EYA4: variants seen among roughly 807,000 people sequenced by gnomAD.
The protein encoded by EYA4 is protein phosphatase EYA4.
EYA4 carries 31 observed loss-of-function variants against 87.9 expected under a neutral mutation model. That is an observed-to-expected ratio of 0.35 (90% CI 0.27 to 0.48). The LOEUF (loss-of-function observed/expected upper bound fraction) is 0.48. Among genes scored for constraint, EYA4 ranks in the 20% least tolerant of loss-of-function variants. The probability of loss-of-function intolerance (pLI) is 0.99; values close to 1 mark genes in which losing one functional copy is unlikely to be tolerated. For missense variants in EYA4, 678 were observed against 761.4 expected, an observed-to-expected ratio of 0.89 and a Z score of 1.29; for synonymous variants, 263 against 270.6, an observed-to-expected ratio of 0.97 and a Z score of 0.28.
intron 13 of EYA4, among the ~76,000 whole-genome samples, chr6:133,495,831 A>C (rs866910157): frequency 7.9e-5 from 12 of 152,200 alleles, no homozygotes; most frequent in Non-Finnish European, 1.0e-4. Context: ...CATTTGGAAC[A>C]AATTTCCAGA....
In EYA4 at chr6:133,377,662, C is replaced by T. The variant is rs537271621; in HGVS notation, c.34-4730C>T. Among the ~76,000 whole-genome samples the T allele has an allele frequency of 2.2e-5, 3 of 138,656 alleles. No homozygotes were observed. In the Admixed American group the frequency reaches 2.4e-4, roughly 11 times the overall value. The allele number at this position is 138,656 out of a possible 152,430, so 91.0% of individuals were successfully genotyped here. ...TTTTTCAAAACTACTATTTATTTTG[C>T]TTACATGGAGTTTAAATGTTACTAG... is the stretch of plus-strand genomic sequence containing the variant. On this transcript the variant is annotated intron_variant, in intron 2 of 19. Transcript: ENST00000355286.
intron 3 of EYA4, among the ~76,000 whole-genome samples, chr6:133,439,049 CAAAAAAAAAAAAAAAAAAA>C (rs56261819): frequency 6.2e-5 from 4 of 64,024 alleles, no homozygotes; most frequent in African/African-American, 1.3e-4. Flanking sequence ...GACTCCGTCT[CAAAAAAAAAAAAAAAAAAA>C]AAAAAAAAGT....
At chr6:133,355,384 A>G (rs1234863717) in intron 2 of EYA4, among the ~76,000 whole-genome samples, 2 of 152,192 alleles carry the variant, frequency 1.3e-5, no homozygotes, top group African/African-American at 2.4e-5. Flanking sequence ...ATGAACAGGT[A>G]GTTTATTGCA....
intron 2 of EYA4, among the ~76,000 whole-genome samples, chr6:133,347,447 G>A (rs1265892063): frequency 6.6e-6 from 1 of 151,832 alleles, no homozygotes; most frequent in East Asian, 1.9e-4. Flanking sequence ...CACTTAAAAT[G>A]GAGATTTACA....
At chr6:133,329,230 A>G (rs997379561) in intron 2 of EYA4, among the ~76,000 whole-genome samples, 2 of 152,040 alleles carry the variant, frequency 1.3e-5, no homozygotes, top group African/African-American at 4.8e-5. Context: ...TATTTTTTCC[A>G]ATGTGTATTT....
chr6:133,527,508 A>T (rs192270510), intron 19 of EYA4, among the ~76,000 whole-genome samples: 69 of 152,354 alleles, frequency 4.5e-4, no homozygotes, highest in Non-Finnish European at 7.6e-4. Context: ...AATTTTAATA[A>T]CATGTCAACC....
At chr6:133,383,988 A>C (rs1786483025) in intron 3 of EYA4, among the ~76,000 whole-genome samples, 1 of 152,226 alleles carries the variant, frequency 6.6e-6, no homozygotes, top group Non-Finnish European at 1.5e-5. Flanking sequence ...ATATGTAATT[A>C]GATAATTTTT....
intron 5 of EYA4, among the ~76,000 whole-genome samples, chr6:133,452,396 A>G (rs1033497800): frequency 5.9e-5 from 9 of 152,170 alleles, no homozygotes; most frequent in Admixed American, 5.9e-4. Context: ...TCGAGGATGA[A>G]GCCTGAATTG....
In EYA4 at chr6:133,512,988, G is replaced by A. The variant is rs78414369; in HGVS notation, c.1451G>A (p.Arg484His). The change falls in exon 16 of 20, where the codon CGT (arginine) becomes CAT (histidine). Residue 484 changes from arginine to histidine, a missense_variant. Arg to His is a conservative substitution (Grantham distance 29). Coordinates refer to ENST00000355286, the MANE Select transcript of EYA4 (RefSeq NM_004100.5). The stretch of plus-strand genomic sequence containing the variant: ...GACTGGATGAGGAAGTTGGCTTTTC[G>A]TTACAGAAGAGTAAAAGAATTATAT... ...GVDWMRKLAF[R>H]YRRVKELYNT... 4 of 1,614,112 alleles carry A rather than the reference G, an allele frequency of 2.5e-6. No individual in the cohort carries two copies. Among genetic ancestry groups the A allele is most frequent in the African/African-American group, 1.3e-5 (1 of 75,040 alleles).
intron 2 of EYA4, among the ~76,000 whole-genome samples, chr6:133,376,977 G>A (rs1011758293): frequency 6.6e-6 from 1 of 151,856 alleles, no homozygotes; most frequent in Non-Finnish European, 1.5e-5. Context: ...TAATAATATT[G>A]ACCAGTCCTC....
At chr6:133,243,661 T>A (rs1302575192) in intron 1 of EYA4, among the ~76,000 whole-genome samples, 1 of 151,864 alleles carries the variant, frequency 6.6e-6, no homozygotes, top group Admixed American at 6.6e-5. Flanking sequence ...TGCCTTTTTT[T>A]TTTTTTTTGT....
At chr6:133,360,750 C>T (rs1373652633) in intron 2 of EYA4, 1 of 152,190 alleles carries the variant, frequency 6.6e-6, no homozygotes, top group Non-Finnish European at 1.5e-5. Context: ...TTCCTCTACA[C>T]CTTCCTCAGA....
At chr6:133,367,037 G>A (rs1784903194) in intron 2 of EYA4, among the ~76,000 whole-genome samples, 1 of 152,160 alleles carries the variant, frequency 6.6e-6, no homozygotes, top group African/African-American at 2.4e-5. Context: ...AAAGTGGCAA[G>A]AAATGCTGTA....
intron 2 of EYA4, among the ~76,000 whole-genome samples, chr6:133,281,908 A>G (rs1256399202): frequency 6.6e-6 from 1 of 151,950 alleles, no homozygotes; most frequent in African/African-American, 2.4e-5. Context: ...ACTTAGGATG[A>G]TGGCCTCCAG....
chr6:133,461,319 T>A (rs921821052), intron 7 of EYA4, 139 bp downstream of exon 7: 13 of 702,524 alleles, frequency 1.9e-5, no homozygotes, highest in South Asian at 1.8e-4. Flanking sequence ...GACACCCACA[T>A]GTATCTTGAT....
chr6:133,480,416 T>C (rs1409584707), intron 11 of EYA4, among the ~76,000 whole-genome samples: 4 of 152,136 alleles, frequency 2.6e-5, no homozygotes, highest in Admixed American at 1.3e-4. Flanking sequence ...TTATGATAAA[T>C]TGGATATCAA....
chr6:133,249,701 C>A lies in EYA4; in HGVS notation c.-66+7952C>A, dbSNP rs553794356. Among the ~76,000 whole-genome samples the A allele has an allele frequency of 6.6e-5, 10 of 152,288 alleles. 1 individual carries two copies. In the South Asian group the frequency reaches 1.7e-3, roughly 25 times the overall value. ...CTCTGGAAAACATCGCCCCTCTCCC[C>A]CTGCAAATATCTTTTCTACTGCTTT... is the stretch of plus-strand genomic sequence containing the variant. On this transcript the variant is annotated intron_variant, in intron 1 of 19. Transcript: ENST00000355286.
rs920435760 is a variant in EYA4 at position 133,411,380 on chromosome 6, G to A, written c.83+28939G>A. ...AACTCCATGAGAAAAGCACATCAAA[G>A]GGAAACACCAGCATGGTTTTTAAAT... On this transcript the variant is annotated intron_variant, in intron 3 of 19. Coordinates refer to ENST00000355286, the MANE Select transcript of EYA4 (RefSeq NM_004100.5). 2.2e-4 allele frequency among the ~76,000 whole-genome samples: 33 copies of A among 152,094 alleles called. 1 individual carries two copies. Among genetic ancestry groups the A allele is most frequent in the Non-Finnish European group, 1.5e-5 (1 of 68,022 alleles).
chr6:133,489,071 A>T (rs1280072283), intron 13 of EYA4, among the ~76,000 whole-genome samples: 1 of 152,212 alleles, frequency 6.6e-6, no homozygotes, highest in Non-Finnish European at 1.5e-5. Flanking sequence ...TGAAGTAAAA[A>T]TCAAGCAGAA....
Sources: gnomAD v4.1 joint callset for allele counts (sites outside exome capture counted in the v4.1 genomes callset) on GRCh38, gnomAD v4.1.1 for gene constraint, MANE v1.5 for transcripts, NCBI Gene and HGNC (gene_info 2026-07-23, HGNC 2026-07-21) for gene names.